SESTD1: variants seen among roughly 807,000 people sequenced by gnomAD.
The protein encoded by SESTD1 is SEC14 and spectrin domain containing 1.
SESTD1 carries 43 observed loss-of-function variants against 101.7 expected under a neutral mutation model. The observed-to-expected ratio is 0.42, with a 90% CI of 0.33 to 0.55. The LOEUF (loss-of-function observed/expected upper bound fraction) is 0.55. Ranked by LOEUF, SESTD1 falls within the 20% of genes least tolerant of loss-of-function variation. The probability of loss-of-function intolerance (pLI) is 0.07; values close to 1 mark genes in which losing one functional copy is unlikely to be tolerated. For synonymous variants in SESTD1, 283 were observed against 286.8 expected, an observed-to-expected ratio of 0.99 and a Z score of 0.13; for missense variants, 647 against 815.1, an observed-to-expected ratio of 0.79 and a Z score of 2.51.
intron 1 of SESTD1, among the ~76,000 whole-genome samples, chr2:179,257,746 G>A (rs1044152539): frequency 1.3e-5 from 2 of 152,080 alleles, no homozygotes; most frequent in African/African-American, 2.4e-5. Flanking sequence ...GTATGGAGTG[G>A]GCCACAAATC....
At chr2:179,147,509 G>A (rs1031583872) in intron 7 of SESTD1, among the ~76,000 whole-genome samples, 2 of 151,882 alleles carry the variant, frequency 1.3e-5, no homozygotes, top group African/African-American at 2.4e-5. Context: ...CTACAGGTGC[G>A]TGCCACCACG....
chr2:179,197,356 G>A (rs2105503938), intron 1 of SESTD1, among the ~76,000 whole-genome samples: 1 of 152,316 alleles, frequency 6.6e-6, no homozygotes, highest in South Asian at 2.1e-4. Context: ...AAGTGATGGG[G>A]AGAATGGAAC....
intron 9 of SESTD1, among the ~76,000 whole-genome samples, chr2:179,139,248 C>T (rs2045223548): frequency 6.6e-6 from 1 of 152,174 alleles, no homozygotes; most frequent in Non-Finnish European, 1.5e-5. Context: ...TCCTCTTTAA[C>T]CATCACCCCT....
chr2:179,219,873 T>C (rs1320758223), intron 1 of SESTD1, among the ~76,000 whole-genome samples: 1 of 152,214 alleles, frequency 6.6e-6, no homozygotes, highest in Non-Finnish European at 1.5e-5. Context: ...TATCCAAATG[T>C]ATAGCTCCTC....
At chr2:179,195,037 A>G (rs1363312944) in intron 1 of SESTD1, among the ~76,000 whole-genome samples, 1 of 152,226 alleles carries the variant, frequency 6.6e-6, no homozygotes, top group African/African-American at 2.4e-5. Flanking sequence ...TGCAAGGACA[A>G]GAGACAGGCT....
chr2:179,106,668 A>ACTTCTC lies in SESTD1; in HGVS notation c.*3230_*3231insGAGAAG, dbSNP rs2044390206. The ACTTCTC allele has an allele frequency of 6.6e-6, 1 of 152,204 alleles. No homozygotes were observed. Among genetic ancestry groups the ACTTCTC allele is most frequent in the African/African-American group, 2.4e-5 (1 of 41,470 alleles). The allele number at this position is 152,204 out of a possible 1,614,324, so 9.4% of individuals were successfully genotyped here. ...AGCAATAGCCAATGTAAATTTGTAT[A>ACTTCTC]AAGTGAGAAGTATTCAATCTTCTAC... On this transcript the variant is annotated 3_prime_UTR_variant, in exon 18 of 18. Transcript: ENST00000428443.
chr2:179,170,858 C>A (rs895466530), intron 5 of SESTD1, among the ~76,000 whole-genome samples: 1 of 152,236 alleles, frequency 6.6e-6, no homozygotes, highest in African/African-American at 2.4e-5. Flanking sequence ...TGCACCCCAA[C>A]TCCCTAGGGT....
chr2:179,216,887 A>G (rs2046728893), intron 1 of SESTD1, among the ~76,000 whole-genome samples: 2 of 142,552 alleles, frequency 1.4e-5, no homozygotes, highest in African/African-American at 5.4e-5. Flanking sequence ...TGGGGAAAGG[A>G]TTCCCTATTT....
chr2:179,124,591 C>T (rs2044828727), intron 10 of SESTD1, 33 bp from the exon 11 acceptor site: 2 of 1,526,322 alleles, frequency 1.3e-6, no homozygotes, highest in South Asian at 1.2e-5. Context: ...TAAACTAAGG[C>T]TCAAATTAGT....
At chr2:179,195,366 A>G (rs1031579148) in intron 1 of SESTD1, among the ~76,000 whole-genome samples, 1 of 152,338 alleles carries the variant, frequency 6.6e-6, no homozygotes, top group South Asian at 2.1e-4. Context: ...CACCCTGTGA[A>G]GAAGGTGTCT....
chr2:179,124,635 G>C, intron 10 of SESTD1, 77 bp from the exon 11 acceptor site: 1 of 1,214,656 alleles, frequency 8.2e-7, no homozygotes, highest in East Asian at 2.5e-5. Context: ...AATTTCTCCA[G>C]ATAAACTAAG....
intron 1 of SESTD1, among the ~76,000 whole-genome samples, chr2:179,193,724 G>A (rs1461194523): frequency 2.6e-5 from 4 of 151,974 alleles, no homozygotes; most frequent in African/African-American, 9.7e-5. Context: ...TCCCATCATG[G>A]GACAAACCCC....
At chr2:179,184,361 A>G (rs1269130967) in intron 2 of SESTD1, among the ~76,000 whole-genome samples, 2 of 152,174 alleles carry the variant, frequency 1.3e-5, no homozygotes, top group East Asian at 1.9e-4. Flanking sequence ...GTGAAGAAAA[A>G]GACTCATATT....
chr2:179,231,877 T>G (rs1294293174), intron 1 of SESTD1, among the ~76,000 whole-genome samples: 1 of 152,084 alleles, frequency 6.6e-6, no homozygotes, highest in Non-Finnish European at 1.5e-5. Context: ...CTGTTTAACG[T>G]TAGAAGCTGC....
chr2:179,248,663 C>G (rs377617427), intron 1 of SESTD1, among the ~76,000 whole-genome samples: 4 of 151,744 alleles, frequency 2.6e-5, no homozygotes. Context: ...AATTCAGTAC[C>G]TAAGAAACCT....
At chr2:179,194,687 C>T (rs1258400354) in intron 1 of SESTD1, among the ~76,000 whole-genome samples, 2 of 152,280 alleles carry the variant, frequency 1.3e-5, no homozygotes, top group African/African-American at 4.8e-5. Flanking sequence ...ATCATAATCA[C>T]ATGATCACTT....
intron 5 of SESTD1, among the ~76,000 whole-genome samples, chr2:179,168,755 A>T (rs941232206): frequency 1.3e-5 from 2 of 152,214 alleles, no homozygotes; most frequent in Non-Finnish European, 2.9e-5. Context: ...AATTAATTTA[A>T]AATTTTTAAT....
In SESTD1 at chr2:179,183,240, CTGAA is replaced by C. The variant is rs776450628; in HGVS notation, c.56-56_56-53del. On this transcript the variant is annotated intron_variant, in intron 2 of 17. Transcript: ENST00000428443. Reference sequence around the variant, plus strand: ...CATGTAATACATATTAAGGCATAATCTGAATAATATACATTTGAATCCAATCTTA... The same window carrying C: ...CATGTAATACATATTAAGGCATAATCTAATATACATTTGAATCCAATCTTA... 28 of 1,165,312 alleles carry C rather than the reference CTGAA, an allele frequency of 2.4e-5. No homozygotes were observed. In the Admixed American group the frequency reaches 3.4e-4, roughly 14 times the overall value. The allele number at this position is 1,165,312 out of a possible 1,614,324, so 72.2% of individuals were successfully genotyped here.
intron 1 of SESTD1, among the ~76,000 whole-genome samples, chr2:179,193,624 C>T (rs1011090404): frequency 3.3e-5 from 5 of 152,130 alleles, no homozygotes; most frequent in African/African-American, 4.8e-5. Flanking sequence ...CTGTTTTAAA[C>T]GATTTCTTTT....
Sources: gnomAD v4.1 joint callset for allele counts (sites outside exome capture counted in the v4.1 genomes callset) on GRCh38, gnomAD v4.1.1 for gene constraint, MANE v1.5 for transcripts, NCBI Gene and HGNC (gene_info 2026-07-23, HGNC 2026-07-21) for gene names.